Variants in RGS7 observed in about 807,000 individuals in gnomAD.
RGS7 encodes regulator of G protein signaling 7, also known as regulator of G-protein signaling 7.
A neutral mutation model predicts 81.1 loss-of-function variants in RGS7; 27 were observed. The observed-to-expected ratio is 0.33, with a 90% CI of 0.25 to 0.46. The LOEUF is 0.46. Among genes scored for constraint, RGS7 ranks in the 20% least tolerant of loss-of-function variants. RGS7 has a pLI of 1.00. For missense variants in RGS7, 396 were observed against 607.4 expected, an observed-to-expected ratio of 0.65 and a Z score of 3.66; for synonymous variants, 208 against 207.7, an observed-to-expected ratio of 1.00 and a Z score of -0.01.
At chr1:241,275,100 G>A (rs1208609666) in intron 2 of RGS7, among the ~76,000 whole-genome samples, 1 of 152,190 alleles carries the variant, frequency 6.6e-6, no homozygotes, top group African/African-American at 2.4e-5. Flanking sequence ...AGCCAAGGCT[G>A]GTTCAGCAAA....
chr1:240,891,184 T>A (rs1430232461), intron 6 of RGS7, among the ~76,000 whole-genome samples: 1 of 139,768 alleles, frequency 7.2e-6, no homozygotes, highest in Non-Finnish European at 1.6e-5. Context: ...AATTTAATTA[T>A]TTTTTTCCAG....
Position 241,164,267 on chromosome 1 carries a change from A to G in RGS7, c.79-65505T>C, listed in dbSNP as rs2069985497. The stretch of plus-strand genomic sequence containing the variant: ...GCTATCCAGAAGCTCTCAGAACCCT[A>G]TCCTCTTTTTTTTTTTTTTAAGCTT... On this transcript the variant is annotated intron_variant, in intron 2 of 18. Transcript: ENST00000440928. The surrounding 1 kb of genome is among the most constrained non-coding windows in gnomAD (Gnocchi z 4.1). 1.7e-5 allele frequency among the ~76,000 whole-genome samples: 1 copy of G among 59,828 alleles called. No homozygotes were observed. Among genetic ancestry groups the G allele is most frequent in the South Asian group, 9.5e-4 (1 of 1,058 alleles). 39.2% of individuals were successfully genotyped at this position (59,828 alleles called of 152,430 possible).
chr1:241,080,634 T>C (rs2063078581), intron 3 of RGS7, among the ~76,000 whole-genome samples: 1 of 152,210 alleles, frequency 6.6e-6, no homozygotes, highest in East Asian at 1.9e-4. Context: ...TACTGAATTG[T>C]CCAGTGACAT....
chr1:241,348,425 C>A (rs914174281), intron 2 of RGS7, among the ~76,000 whole-genome samples: 16 of 152,182 alleles, frequency 1.1e-4, no homozygotes, highest in Admixed American at 1.0e-3. Context: ...CTGGTATAAT[C>A]CACGATGCCC....
chr1:240,996,383 T>C (rs1296556176), intron 3 of RGS7, among the ~76,000 whole-genome samples: 3 of 152,224 alleles, frequency 2.0e-5, no homozygotes, highest in Non-Finnish European at 4.4e-5. Flanking sequence ...ATCTATCAGT[T>C]ACTGATAAAG....
At chr1:241,246,842 T>C (rs2076573818) in intron 2 of RGS7, among the ~76,000 whole-genome samples, 2 of 152,060 alleles carry the variant, frequency 1.3e-5, no homozygotes, top group South Asian at 4.1e-4. Context: ...GCAGTAGCAG[T>C]CCAAAGGGAG....
intron 2 of RGS7, among the ~76,000 whole-genome samples, chr1:241,275,129 C>T (rs965398359): frequency 6.6e-6 from 1 of 152,284 alleles, no homozygotes; most frequent in East Asian, 1.9e-4. Flanking sequence ...GGAGACATCC[C>T]TCCCCATAAA....
At chr1:241,024,841 A>T (rs1043525893) in intron 3 of RGS7, among the ~76,000 whole-genome samples, 3 of 150,128 alleles carry the variant, frequency 2.0e-5, no homozygotes, top group Admixed American at 1.3e-4. Context: ...AGAAAAGCAG[A>T]TGTGATTCTC....
At chr1:241,007,538 GGT>G (rs2058736798) in intron 3 of RGS7, among the ~76,000 whole-genome samples, 1 of 152,112 alleles carries the variant, frequency 6.6e-6, no homozygotes, top group African/African-American at 2.4e-5. Flanking sequence ...AAGACTCAAC[GGT>G]GTAAGGAATT....
At chr1:240,835,736 G>T (rs1411159996) in intron 9 of RGS7, among the ~76,000 whole-genome samples, 1 of 152,002 alleles carries the variant, frequency 6.6e-6, no homozygotes, top group East Asian at 1.9e-4. Flanking sequence ...CCAGACAATG[G>T]AATATTATTC....
At chr1:241,242,092 C>A (rs760358209) in intron 2 of RGS7, among the ~76,000 whole-genome samples, 23 of 151,978 alleles carry the variant, frequency 1.5e-4, no homozygotes, top group Non-Finnish European at 2.4e-4. Flanking sequence ...AGTCTTTTAT[C>A]CCCTACTGCC....
intron 2 of RGS7, among the ~76,000 whole-genome samples, chr1:241,332,182 A>T (rs2082012822): frequency 6.6e-6 from 1 of 152,222 alleles, no homozygotes; most frequent in South Asian, 2.1e-4. Context: ...TAAGTGAAGC[A>T]TCAGCCAGTT....
chr1:241,002,518 T>G (rs1287866059), intron 3 of RGS7, among the ~76,000 whole-genome samples: 10 of 152,162 alleles, frequency 6.6e-5, no homozygotes, highest in Admixed American at 6.5e-4. Context: ...AAATGGAAAG[T>G]GTATTCTTCC....
chr1:241,156,201 T>C (rs912349056), intron 2 of RGS7, among the ~76,000 whole-genome samples: 5 of 151,766 alleles, frequency 3.3e-5, no homozygotes, highest in Non-Finnish European at 5.9e-5. Flanking sequence ...GACAGAAAGA[T>C]AGATGCTAGG....
chr1:241,148,408 T>C (rs61833763), intron 2 of RGS7, among the ~76,000 whole-genome samples: 18,384 of 152,196 alleles, frequency 0.12, 1,232 homozygotes, highest in Middle Eastern at 0.18. Context: ...TTGGTTCTGC[T>C]GAAAACTGTG....
intron 4 of RGS7, among the ~76,000 whole-genome samples, chr1:240,956,398 A>T (rs1485785727): frequency 2.6e-5 from 4 of 151,258 alleles, no homozygotes; most frequent in Non-Finnish European, 5.9e-5. Context: ...CAAAAAAAAA[A>T]CCCACTATGG....
intron 2 of RGS7, among the ~76,000 whole-genome samples, chr1:241,219,231 T>G (rs964147307): frequency 1.3e-5 from 2 of 152,182 alleles, no homozygotes; most frequent in African/African-American, 4.8e-5. Flanking sequence ...AACTGAATCA[T>G]GAGGGCAAGT....
rs939640886 is a variant in RGS7 at position 240,982,703 on chromosome 1, G to A, written c.226+376C>T. On this transcript the variant is annotated intron_variant, in intron 4 of 18. Coordinates refer to ENST00000440928, the MANE Select transcript of RGS7 (RefSeq NM_001364886.1). ...AAACTGTATTTAAAGATGTAGTTAA[G>A]GCAAAATTATAAGTTAATGAGATGT... 5.3e-5 allele frequency among the ~76,000 whole-genome samples: 8 copies of A among 152,106 alleles called. No individual in the cohort carries two copies. The South Asian group carries it at 6.2e-4, about 12-fold the overall frequency.
At chr1:241,082,918 A>G (rs952417755) in intron 3 of RGS7, among the ~76,000 whole-genome samples, 1 of 152,204 alleles carries the variant, frequency 6.6e-6, no homozygotes, top group Admixed American at 6.5e-5. Context: ...AGCAGGATTT[A>G]GCTATTAGAA....
Sources: allele counts gnomAD v4.1 joint callset (sites outside exome capture counted in the v4.1 genomes callset), GRCh38; gene constraint gnomAD v4.1.1; non-coding constraint Gnocchi (gnomAD v3.1); transcripts MANE v1.5; gene names NCBI Gene and HGNC (gene_info 2026-07-23, HGNC 2026-07-21).